The following NEGR1 variants were observed in gnomAD, a reference collection of about 807,000 sequenced individuals.
The protein encoded by NEGR1 is IgLON family member 4.
In NEGR1, 10 loss-of-function variants were observed where a neutral mutation model predicts 40.9. The observed-to-expected ratio is 0.24, with a 90% CI of 0.15 to 0.42. The LOEUF is 0.42. NEGR1 is among the 10% of genes least tolerant of loss of function. NEGR1 has a pLI of 1.00. For synonymous variants in NEGR1, 185 were observed against 166.8 expected, an observed-to-expected ratio of 1.11 and a Z score of -0.84; for missense variants, 352 against 438.9, an observed-to-expected ratio of 0.80 and a Z score of 1.77.
At chr1:72,224,578 A>C (rs1045136216) in intron 1 of NEGR1, among the ~76,000 whole-genome samples, 8 of 152,106 alleles carry the variant, frequency 5.3e-5, no homozygotes, top group Non-Finnish European at 8.8e-5. Flanking sequence ...GTAAGCTTGC[A>C]TGTCGGAATG....
At chr1:71,990,053 G>C (rs1484851974) in intron 1 of NEGR1, among the ~76,000 whole-genome samples, 1 of 152,012 alleles carries the variant, frequency 6.6e-6, no homozygotes, top group Non-Finnish European at 1.5e-5. Context: ...TATGATTAAA[G>C]GTTTACTTTT....
chr1:72,035,344 A>C (rs549151795), intron 1 of NEGR1, among the ~76,000 whole-genome samples: 18 of 152,184 alleles, frequency 1.2e-4, no homozygotes, highest in Non-Finnish European at 2.2e-4. Context: ...ACTATGACAA[A>C]GAACCAGGGC....
intron 1 of NEGR1, among the ~76,000 whole-genome samples, chr1:72,189,682 A>G (rs943074836): frequency 6.6e-6 from 1 of 151,570 alleles, no homozygotes; most frequent in African/African-American, 2.4e-5. Flanking sequence ...CCTGCATAAG[A>G]AGATAGAGGT....
rs150616924 is a variant in NEGR1 at position 72,227,877 on chromosome 1, G to A, written c.176+54442C>T. ...CAAGTGAGTAATATTTCAAACACTG[G>A]AGCCAGACTGCCTGAAATAGAACAC... On this transcript the variant is annotated intron_variant, in intron 1 of 6. Coordinates refer to ENST00000357731, the MANE Select transcript of NEGR1 (RefSeq NM_173808.3). Among the ~76,000 whole-genome samples, 52 of 152,156 alleles carry A rather than the reference G, an allele frequency of 3.4e-4. No individual in the cohort carries two copies. The East Asian group carries it at 8.1e-3, about 24-fold the overall frequency.
chr1:71,870,505 T>G (rs1240982837), intron 2 of NEGR1, among the ~76,000 whole-genome samples: 1 of 152,146 alleles, frequency 6.6e-6, no homozygotes, highest in Admixed American at 6.5e-5. Flanking sequence ...AATTGGTGGA[T>G]GACATTAAAA....
intron 4 of NEGR1, among the ~76,000 whole-genome samples, chr1:71,686,223 C>T (rs1653032254): frequency 6.6e-6 from 1 of 151,992 alleles, no homozygotes; most frequent in African/African-American, 2.4e-5. Context: ...GTATATTTGG[C>T]CCTATATTCT....
chr1:71,544,922 C>T (rs184302240), intron 6 of NEGR1, among the ~76,000 whole-genome samples: 1 of 151,802 alleles, frequency 6.6e-6, no homozygotes, highest in African/African-American at 2.4e-5. Flanking sequence ...TTTCCAGGCT[C>T]TTTCCTCCCC....
At chr1:72,237,028 CTTAA>C (rs1368498618) in intron 1 of NEGR1, among the ~76,000 whole-genome samples, 1 of 151,732 alleles carries the variant, frequency 6.6e-6, no homozygotes, top group African/African-American at 2.4e-5. Context: ...AAATGTCTGC[CTTAA>C]TTATCGGAAT....
chr1:71,514,491 C>A (rs1647105576), intron 6 of NEGR1, among the ~76,000 whole-genome samples: 2 of 61,534 alleles, frequency 3.3e-5, no homozygotes, highest in Non-Finnish European at 3.1e-5. Context: ...CAGGGTATTC[C>A]AACAGACCTG....
chr1:71,487,015 C>G (rs1646892036), intron 6 of NEGR1: 1 of 151,482 alleles, frequency 6.6e-6, no homozygotes, highest in Admixed American at 6.6e-5. Context: ...GCATCTTGAG[C>G]AATTCTATTC....
intron 4 of NEGR1, among the ~76,000 whole-genome samples, chr1:71,614,502 C>T (rs1464841848): frequency 1.3e-5 from 2 of 152,090 alleles, no homozygotes; most frequent in East Asian, 3.9e-4. Flanking sequence ...TATGACACTG[C>T]TCATGACAGG....
At chr1:72,020,151 T>C (rs1341814123) in intron 1 of NEGR1, among the ~76,000 whole-genome samples, 1 of 152,196 alleles carries the variant, frequency 6.6e-6, no homozygotes, top group African/African-American at 2.4e-5. Context: ...AGTTCCAGTA[T>C]AGATCACCTA....
intron 1 of NEGR1, among the ~76,000 whole-genome samples, chr1:72,095,642 C>A (rs906563109): frequency 6.6e-6 from 1 of 151,706 alleles, no homozygotes; most frequent in Non-Finnish European, 1.5e-5. Flanking sequence ...TCTACATATA[C>A]ATATATATAT....
At chr1:71,953,344 G>GA (rs1376163574) in intron 1 of NEGR1, among the ~76,000 whole-genome samples, 1 of 150,472 alleles carries the variant, frequency 6.6e-6, no homozygotes, top group Non-Finnish European at 1.5e-5. Context: ...ACTATAACTA[G>GA]AAGTGGAGCC....
intron 6 of NEGR1, among the ~76,000 whole-genome samples, chr1:71,522,304 T>C (rs1228710554): frequency 6.6e-6 from 1 of 152,054 alleles, no homozygotes; most frequent in Non-Finnish European, 1.5e-5. Context: ...AAAAATGTTA[T>C]ATAAATCCTT....
intron 1 of NEGR1, among the ~76,000 whole-genome samples, chr1:72,222,905 G>T (rs1654060205): frequency 6.6e-6 from 1 of 152,122 alleles, no homozygotes; most frequent in African/African-American, 2.4e-5. Flanking sequence ...ACATGTGAGT[G>T]AAGATGTCTC....
chr1:72,155,101 C>T (rs1001541712), intron 1 of NEGR1, among the ~76,000 whole-genome samples: 1 of 151,928 alleles, frequency 6.6e-6, no homozygotes, highest in Non-Finnish European at 1.5e-5. Context: ...CCATTTAAAA[C>T]AGTTTCACGG....
At chr1:71,563,122 T>C (rs61764990) in intron 6 of NEGR1, among the ~76,000 whole-genome samples, 5,290 of 152,104 alleles carry the variant, frequency 0.035, 126 homozygotes, top group Non-Finnish European at 0.048. Context: ...TCACGTGGCA[T>C]ATATTTGTTT....
intron 6 of NEGR1, among the ~76,000 whole-genome samples, chr1:71,534,165 C>T (rs184901111): frequency 1.2e-4 from 18 of 151,782 alleles, no homozygotes; most frequent in Non-Finnish European, 4.4e-5. Flanking sequence ...ACTACAACCC[C>T]TCCCTCTTTA....
Sources: gnomAD v4.1 joint callset for allele counts (sites outside exome capture counted in the v4.1 genomes callset) on GRCh38, gnomAD v4.1.1 for gene constraint, MANE v1.5 for transcripts, NCBI Gene and HGNC (gene_info 2026-07-23, HGNC 2026-07-21) for gene names.